The following GRM7 variants were observed in gnomAD, a reference collection of about 807,000 sequenced individuals.
GRM7 encodes metabotropic glutamate receptor 7.
A neutral mutation model predicts 84.5 loss-of-function variants in GRM7; 35 were observed. The observed-to-expected ratio is 0.41, with a 90% CI of 0.32 to 0.55. The LOEUF (loss-of-function observed/expected upper bound fraction) is 0.55. Ranked by LOEUF, GRM7 falls within the 20% of genes least tolerant of loss-of-function variation. The pLI is 0.19. For missense variants in GRM7, 1,003 were observed against 1,194.6 expected (o/e 0.84, Z 2.36); for synonymous variants, 487 against 455.1 (o/e 1.07, Z -0.89).
At chr3:7,026,758 C>T (rs992684722) in intron 1 of GRM7, among the ~76,000 whole-genome samples, 2 of 152,214 alleles carry the variant, frequency 1.3e-5, no homozygotes, top group Non-Finnish European at 2.9e-5. Context: ...AATGTAATGA[C>T]TCACAATAAA....
intron 9 of GRM7, among the ~76,000 whole-genome samples, chr3:7,698,556 G>C (rs1490781391): frequency 1.3e-5 from 2 of 152,190 alleles, no homozygotes; most frequent in African/African-American, 4.8e-5. Context: ...CTACCTCCCA[G>C]TGGTAGGTAA....
intron 8 of GRM7, chr3:7,608,054 G>T (rs1009958705): frequency 8.4e-6 from 3 of 358,242 alleles, no homozygotes; most frequent in African/African-American, 4.6e-5. Context: ...TCCTGCAAAA[G>T]ACATGACTCA....
chr3:7,224,890 G>T (rs1469675305), intron 2 of GRM7, among the ~76,000 whole-genome samples: 1 of 152,120 alleles, frequency 6.6e-6, no homozygotes, highest in Non-Finnish European at 1.5e-5. Context: ...AGCATTTCAT[G>T]AATCCCATGA....
chr3:6,878,410 TG>T (rs1695392355), intron 1 of GRM7, among the ~76,000 whole-genome samples: 4 of 151,626 alleles, frequency 2.6e-5, no homozygotes, highest in African/African-American at 9.7e-5. Flanking sequence ...TGTGTGTGTG[TG>T]TGTGTAGTAT....
chr3:7,360,210 T>C lies in GRM7; in HGVS notation c.1033+53558T>C, dbSNP rs184878242. On this transcript the variant is annotated intron_variant, in intron 4 of 9. Transcript: ENST00000357716. Reference sequence around the variant, plus strand: ...GTGTAGAGAGAGAATAATGACTAAATGGGTCTTTGAATAAACCTAAATTTG... The same window carrying C: ...GTGTAGAGAGAGAATAATGACTAAACGGGTCTTTGAATAAACCTAAATTTG... Among the ~76,000 whole-genome samples, 31 of 146,500 alleles carry C rather than the reference T, an allele frequency of 2.1e-4. 1 individual carries two copies. Among genetic ancestry groups the C allele is most frequent in the African/African-American group, 5.2e-4 (20 of 38,432 alleles).
intron 4 of GRM7, among the ~76,000 whole-genome samples, chr3:7,401,773 TTA>T (rs1695462391): frequency 6.6e-6 from 1 of 152,116 alleles, no homozygotes; most frequent in Non-Finnish European, 1.5e-5. Flanking sequence ...TCTGTGAAAA[TTA>T]TATGTGTATG....
chr3:7,184,587 C>A (rs1403059568), intron 2 of GRM7, among the ~76,000 whole-genome samples: 1 of 149,244 alleles, frequency 6.7e-6, no homozygotes, highest in African/African-American at 2.6e-5. Context: ...ATTTTGTAAA[C>A]TGCTTTCTCT....
At chr3:7,316,321 C>T (rs1700581515) in intron 4 of GRM7, among the ~76,000 whole-genome samples, 1 of 152,008 alleles carries the variant, frequency 6.6e-6, no homozygotes, top group Admixed American at 6.6e-5. Context: ...CCTGATCTGT[C>T]TTATGTACTT....
intron 8 of GRM7, among the ~76,000 whole-genome samples, chr3:7,652,498 A>G (rs1453460291): frequency 6.6e-6 from 1 of 152,148 alleles, no homozygotes; most frequent in East Asian, 1.9e-4. Context: ...GGGCAAGTCA[A>G]TCCCTTCACC....
chr3:6,977,011 A>G (rs575166993), intron 1 of GRM7, among the ~76,000 whole-genome samples: 1 of 152,284 alleles, frequency 6.6e-6, no homozygotes, highest in East Asian at 1.9e-4. Flanking sequence ...AGTGATCAGA[A>G]TTGATGGTTA....
intron 4 of GRM7, among the ~76,000 whole-genome samples, chr3:7,387,503 A>AT (rs199729688): frequency 0.02 from 3,045 of 152,270 alleles, 63 homozygotes; most frequent in Non-Finnish European, 0.034. Flanking sequence ...ATTCTGCTAC[A>AT]TTTGGTTATT....
intron 7 of GRM7, among the ~76,000 whole-genome samples, chr3:7,481,001 G>T (rs76369546): frequency 0.061 from 9,222 of 152,108 alleles, 948 homozygotes; most frequent in African/African-American, 0.21. Flanking sequence ...TAATATGAAA[G>T]TATGCAAGTG....
intron 1 of GRM7, among the ~76,000 whole-genome samples, chr3:6,889,198 C>G (rs1406696965): frequency 6.6e-6 from 1 of 152,114 alleles, no homozygotes; most frequent in Non-Finnish European, 1.5e-5. Context: ...TTGACTTCCT[C>G]TTTTCCTAAT....
chr3:7,731,797 T>C lies in GRM7; in HGVS notation c.2699-8560T>C, dbSNP rs527522284. Reference sequence around the variant, plus strand: ...GTTTGTTTTGCATGTCTGACACTCATGGCTCCCCGTGGATCGCCAGCGCCC... The same window carrying C: ...GTTTGTTTTGCATGTCTGACACTCACGGCTCCCCGTGGATCGCCAGCGCCC... On this transcript the variant is annotated intron_variant, in intron 9 of 9. Transcript: ENST00000357716. 3.9e-5 allele frequency among the ~76,000 whole-genome samples: 6 copies of C among 152,288 alleles called. No individual in the cohort carries two copies. In the South Asian group the frequency reaches 1.0e-3, roughly 26 times the overall value.
At chr3:7,284,310 GTGTA>G (rs771173381) in intron 2 of GRM7, among the ~76,000 whole-genome samples, 8 of 149,864 alleles carry the variant, frequency 5.3e-5, no homozygotes, top group African/African-American at 1.7e-4. Flanking sequence ...GTGTGTGTGT[GTGTA>G]TATACATGAG....
At chr3:7,310,244 C>A (rs1700343879) in intron 4 of GRM7, among the ~76,000 whole-genome samples, 1 of 151,972 alleles carries the variant, frequency 6.6e-6, no homozygotes, top group African/African-American at 2.4e-5. Context: ...TAATGACTCT[C>A]ACAATTGGTG....
chr3:7,103,453 T>TC (rs1234546752), intron 1 of GRM7, among the ~76,000 whole-genome samples: 2 of 151,652 alleles, frequency 1.3e-5, no homozygotes, highest in East Asian at 1.9e-4. Context: ...TCACTGGAGT[T>TC]CCCCCCACAC....
chr3:7,511,418 T>G (rs1700206629), intron 7 of GRM7, among the ~76,000 whole-genome samples: 1 of 150,154 alleles, frequency 6.7e-6, no homozygotes, highest in South Asian at 2.1e-4. Flanking sequence ...CAGAGGCTGC[T>G]GCACAGTGGT....
At chr3:6,900,338 G>T (rs924186065) in intron 1 of GRM7, among the ~76,000 whole-genome samples, 1 of 152,156 alleles carries the variant, frequency 6.6e-6, no homozygotes, top group Admixed American at 6.6e-5. Context: ...ACTGGAGGGC[G>T]TGAAATCAGT....
Sources: allele counts gnomAD v4.1 joint callset (sites outside exome capture counted in the v4.1 genomes callset), GRCh38; gene constraint gnomAD v4.1.1; transcripts MANE v1.5; gene names NCBI Gene and HGNC (gene_info 2026-07-23, HGNC 2026-07-21).